Variants in STIMATE observed in about 807,000 individuals in gnomAD.
STIMATE encodes the protein store-operated calcium entry regulator STIMATE.
In STIMATE, 15 loss-of-function variants were observed where a neutral mutation model predicts 36.7. The observed-to-expected ratio is 0.41, with a 90% CI of 0.27 to 0.63. STIMATE has a LOEUF of 0.63. STIMATE is among the 20% of genes least tolerant of loss of function. The probability of loss-of-function intolerance (pLI) is 0.32; values close to 1 mark genes in which losing one functional copy is unlikely to be tolerated. For missense variants in STIMATE, 305 were observed against 397.3 expected (o/e 0.77, Z 1.98); for synonymous variants, 163 against 162.3 (o/e 1.00, Z -0.03).
intron 1 of STIMATE, among the ~76,000 whole-genome samples, chr3:52,865,276 C>T (rs1447021083): frequency 6.6e-6 from 1 of 152,168 alleles, no homozygotes; most frequent in African/African-American, 2.4e-5. Flanking sequence ...GAGTTCCAAA[C>T]TTTCCCACAT....
At position 52,838,046 on chromosome 3, in the gene STIMATE, C is replaced by T. The variant is rs1052205143; in HGVS notation, c.*2448G>A. ...CACACAAGAAAGGGAAGGCCAAACA[C>T]GAGAGGTGTCCTATGGTCAGACACC... On this transcript the variant is annotated 3_prime_UTR_variant, in exon 8 of 8. Coordinates refer to ENST00000355083, the MANE Select transcript of STIMATE (RefSeq NM_198563.5). 1 of 152,310 alleles carries T rather than the reference C, an allele frequency of 6.6e-6. No homozygotes were observed. Among genetic ancestry groups the T allele is most frequent in the African/African-American group, 2.4e-5 (1 of 41,466 alleles). The allele number at this position is 152,310 out of a possible 1,614,324, so 9.4% of individuals were successfully genotyped here. A position where few individuals can be genotyped will look rare whatever the true frequency, so the allele number is the denominator to read the frequency against.
At chr3:52,884,436 G>C (rs1330426458) in intron 1 of STIMATE, among the ~76,000 whole-genome samples, 1 of 152,016 alleles carries the variant, frequency 6.6e-6, no homozygotes, top group Non-Finnish European at 1.5e-5. Context: ...AGTAGGGACA[G>C]GGTTTCACCA....
chr3:52,877,186 C>T (rs908491925), intron 1 of STIMATE, among the ~76,000 whole-genome samples: 2 of 152,228 alleles, frequency 1.3e-5, no homozygotes, highest in Non-Finnish European at 2.9e-5. Context: ...CAACCCAGTG[C>T]CTGCCTCTGC....
chr3:52,884,886 C>T (rs1326336686), intron 1 of STIMATE, among the ~76,000 whole-genome samples: 5 of 152,182 alleles, frequency 3.3e-5, no homozygotes, highest in Non-Finnish European at 5.9e-5. Flanking sequence ...TTCATGCACA[C>T]GTCCTTCTAT....
At chr3:52,886,266 G>A (rs1370864374) in intron 1 of STIMATE, among the ~76,000 whole-genome samples, 2 of 152,202 alleles carry the variant, frequency 1.3e-5, no homozygotes, top group African/African-American at 4.8e-5. Context: ...AGCATTGTGT[G>A]TCAAGCAGCA....
At chr3:52,895,362 C>T (rs1701848944) in intron 1 of STIMATE, among the ~76,000 whole-genome samples, 1 of 152,174 alleles carries the variant, frequency 6.6e-6, no homozygotes, top group Admixed American at 6.5e-5. Flanking sequence ...CTTGCTCTCA[C>T]CTCCATTTCT....
At chr3:52,855,546 A>T in intron 1 of STIMATE, 102 bp from the exon 2 acceptor site, 7 of 1,475,002 alleles carry the variant, frequency 4.7e-6, no homozygotes, top group Non-Finnish European at 6.6e-6. Flanking sequence ...GTGTATAACC[A>T]AGGTAATACA....
rs1417952472 is a variant in STIMATE at position 52,847,210 on chromosome 3, AC to A, written c.428-2270del. The stretch of plus-strand genomic sequence containing the variant: ...GACAGGTGTGAGCCACTGCACCTGG[AC>A]CTTGTGTGTCTTGCTTTTTACTGCA... On this transcript the variant is annotated intron_variant, in intron 4 of 7. Transcript: ENST00000355083. The A allele has an allele frequency of 7.1e-6, 8 of 1,125,658 alleles. No homozygotes were observed. In the African/African-American group the frequency reaches 1.2e-4, roughly 16 times the overall value. The allele number at this position is 1,125,658 out of a possible 1,614,324, so 69.7% of individuals were successfully genotyped here. A position where few individuals can be genotyped will look rare whatever the true frequency, so the allele number is the denominator to read the frequency against.
chr3:52,863,196 T>G (rs1422665154), intron 1 of STIMATE, among the ~76,000 whole-genome samples: 2 of 152,170 alleles, frequency 1.3e-5, no homozygotes, highest in Non-Finnish European at 2.9e-5. Flanking sequence ...CATGTATTAG[T>G]CCGCTGCTGA....
chr3:52,858,890 G>A (rs1416945348), intron 1 of STIMATE, among the ~76,000 whole-genome samples: 1 of 152,114 alleles, frequency 6.6e-6, no homozygotes, highest in African/African-American at 2.4e-5. Flanking sequence ...CAGGCGTGGT[G>A]GCTCACACCT....
intron 1 of STIMATE, among the ~76,000 whole-genome samples, chr3:52,877,486 T>C (rs1333148724): frequency 6.6e-6 from 1 of 152,160 alleles, no homozygotes; most frequent in African/African-American, 2.4e-5. Context: ...AGAGTAGGCA[T>C]TGGAGGGGAA....
chr3:52,842,543 T>A (rs1453048712), intron 7 of STIMATE, among the ~76,000 whole-genome samples: 3 of 152,184 alleles, frequency 2.0e-5, no homozygotes, highest in Admixed American at 2.0e-4. Flanking sequence ...GTCTGTCATC[T>A]CCACTGACAG....
Position 52,838,017 on chromosome 3 carries a change from CA to C in STIMATE, c.*2476del, listed in dbSNP as rs1700735559. On this transcript the variant is annotated 3_prime_UTR_variant, in exon 8 of 8. Coordinates refer to ENST00000355083, the MANE Select transcript of STIMATE (RefSeq NM_198563.5). Reference sequence around the variant, plus strand: ...GCACGTGCACGTGCACACACACACACAAACACACAAGAAAGGGAAGGCCAAA... The same window carrying C: ...GCACGTGCACGTGCACACACACACACAACACACAAGAAAGGGAAGGCCAAA... 2 of 151,870 alleles carry C rather than the reference CA, an allele frequency of 1.3e-5. No individual in the cohort carries two copies. Among genetic ancestry groups the C allele is most frequent in the South Asian group, 4.2e-4 (2 of 4,810 alleles). 9.4% of individuals were successfully genotyped at this position (151,870 alleles called of 1,614,324 possible).
At chr3:52,853,491 G>A (rs987283245) in intron 2 of STIMATE, among the ~76,000 whole-genome samples, 3 of 152,228 alleles carry the variant, frequency 2.0e-5, no homozygotes, top group South Asian at 4.1e-4. Flanking sequence ...CTTGGTCATG[G>A]CTGTCTCTCA....
At chr3:52,869,348 C>T (rs930080011) in intron 1 of STIMATE, among the ~76,000 whole-genome samples, 7 of 152,218 alleles carry the variant, frequency 4.6e-5, no homozygotes, top group African/African-American at 1.7e-4. Flanking sequence ...GGACATAATA[C>T]AGGCTTTGTA....
chr3:52,897,316 G>A lies in STIMATE; in HGVS notation c.135C>T (p.Gly45=), dbSNP rs1292448224. Residue 45 remains glycine (G), a synonymous_variant, in exon 1 of 8, where the codon GGC becomes GGT. Transcript: ENST00000355083. ...GCATTAACGTGCTGAAGGCCACGAC[G>A]CCGAGCAGCCCCTGCAGGAAGATGC... ...SFGIFLQGLL[G]VVAFSTLMLK... 3.2e-6 allele frequency: 5 copies of A among 1,554,278 alleles called. No homozygotes were observed. The highest frequency in any genetic ancestry group is 4.3e-6 in the Non-Finnish European group (5 of 1,157,722).
At chr3:52,848,337 GGCTGAAACAATATCACT>G (rs3839102) in intron 4 of STIMATE, 78,555 of 151,738 alleles carry the variant, frequency 0.52, 21,532 homozygotes, top group East Asian at 0.62. Flanking sequence ...TTGAGAAAGA[GGCTGAAACAATATCACT>G]GCCTTCTTCC....
rs1000030087 is a variant in STIMATE at position 52,840,397 on chromosome 3, G to A, written c.*97C>T. The A allele has an allele frequency of 6.8e-6, 9 of 1,325,912 alleles. No individual in the cohort carries two copies. Among genetic ancestry groups the A allele is most frequent in the Non-Finnish European group, 9.5e-6 (9 of 951,128 alleles). The allele number at this position is 1,325,912 out of a possible 1,614,324, so 82.1% of individuals were successfully genotyped here. ...ACAGCAAGAGGAGCAGAGGTAGAAAGGAAGGGCAGAGAGAGGGTAAGGAAC... is the reference window on the plus strand; with the variant it reads ...ACAGCAAGAGGAGCAGAGGTAGAAAAGAAGGGCAGAGAGAGGGTAAGGAAC... On this transcript the variant is annotated 3_prime_UTR_variant, in exon 8 of 8. Transcript: ENST00000355083.
chr3:52,852,954 C>G (rs781694150), intron 2 of STIMATE, among the ~76,000 whole-genome samples: 7 of 152,120 alleles, frequency 4.6e-5, no homozygotes, highest in Non-Finnish European at 1.0e-4. Flanking sequence ...TTTCTTACTT[C>G]AAAATAAAAT....
Sources: gnomAD v4.1 joint callset for allele counts (sites outside exome capture counted in the v4.1 genomes callset) on GRCh38, gnomAD v4.1.1 for gene constraint, MANE v1.5 for transcripts, NCBI Gene and HGNC (gene_info 2026-07-23, HGNC 2026-07-21) for gene names.